THSD4: variants seen among roughly 807,000 people sequenced by gnomAD.
THSD4 encodes the protein thrombospondin type-1 domain-containing protein 4.
THSD4 carries 69 observed loss-of-function variants against 119.0 expected under a neutral mutation model. The ratio of observed to expected loss-of-function variants is 0.58; its 90% CI spans 0.48 to 0.71. The LOEUF (loss-of-function observed/expected upper bound fraction) is 0.71, where lower values mean the gene tolerates loss of function less well. THSD4 is among the 30% of genes least tolerant of loss of function. The pLI is 0.00. For missense variants in THSD4, 1,393 were observed against 1,391.1 expected, an observed-to-expected ratio of 1.00 and a Z score of -0.02; for synonymous variants, 524 against 540.4, an observed-to-expected ratio of 0.97 and a Z score of 0.42.
intron 6 of THSD4, among the ~76,000 whole-genome samples, chr15:71,361,600 C>G (rs916246752): frequency 6.6e-6 from 1 of 152,154 alleles, no homozygotes; most frequent in Non-Finnish European, 1.5e-5. Context: ...TAATAACCAT[C>G]AAAATTATAA....
intron 7 of THSD4, among the ~76,000 whole-genome samples, chr15:71,566,991 C>G (rs988673361): frequency 6.6e-6 from 1 of 152,066 alleles, no homozygotes; most frequent in Non-Finnish European, 1.5e-5. Flanking sequence ...AGGGACCAAC[C>G]CTCTCTCGTT....
chr15:71,474,685 A>G (rs1218589994), intron 7 of THSD4, among the ~76,000 whole-genome samples: 1 of 152,142 alleles, frequency 6.6e-6, no homozygotes, highest in East Asian at 1.9e-4. Context: ...TGCATCATCA[A>G]ATCTTTCCTC....
At chr15:71,331,941 GACTGT>G (rs1002301238) in intron 6 of THSD4, among the ~76,000 whole-genome samples, 1 of 151,986 alleles carries the variant, frequency 6.6e-6, no homozygotes, top group Admixed American at 6.6e-5. Flanking sequence ...ATCAAGACAG[GACTGT>G]ACATTCAAGG....
At chr15:71,660,843 G>T (rs895528828) in intron 8 of THSD4, 109 bp downstream of exon 8, 26 of 1,237,480 alleles carry the variant, frequency 2.1e-5, no homozygotes, top group Non-Finnish European at 2.6e-5. Context: ...GGGCATGCAG[G>T]CAGTGCCCCT....
chr15:71,214,449 C>T (rs2043913490), intron 3 of THSD4, among the ~76,000 whole-genome samples: 1 of 152,176 alleles, frequency 6.6e-6, no homozygotes, highest in Non-Finnish European at 1.5e-5. Context: ...AGCAAGACAA[C>T]GAACCCACTG....
chr15:71,488,844 CTT>C (rs2047865938), intron 7 of THSD4, among the ~76,000 whole-genome samples: 1 of 152,156 alleles, frequency 6.6e-6, no homozygotes, highest in African/African-American at 2.4e-5. Flanking sequence ...CCTGCAAAAG[CTT>C]TTAGTTCTGT....
intron 7 of THSD4, among the ~76,000 whole-genome samples, chr15:71,569,583 C>T (rs2049311190): frequency 6.6e-6 from 1 of 152,172 alleles, no homozygotes; most frequent in African/African-American, 2.4e-5. Flanking sequence ...ATGAGTAAGA[C>T]TGGTGTCTAA....
In THSD4 at chr15:71,132,088, A is replaced by C. The variant is rs79202979; in HGVS notation, c.-79-9361A>C. Among the ~76,000 whole-genome samples the C allele has an allele frequency of 9.4e-3, 1,436 of 152,340 alleles. 26 individuals are homozygous for C. The highest frequency in any genetic ancestry group is 0.033 in the African/African-American group (1,390 of 41,578). On this transcript the variant is annotated intron_variant, in intron 1 of 17. Transcript: ENST00000261862. ...TACTTATCAAATTAGGAGAGATTGC[A>C]ATCATAGCATTATTGGCAAATGTGT...
chr15:71,144,325 C>T (rs1312443768), intron 2 of THSD4, among the ~76,000 whole-genome samples: 1 of 152,186 alleles, frequency 6.6e-6, no homozygotes, highest in East Asian at 1.9e-4. Flanking sequence ...AGTAGAGTGT[C>T]TTCTGTTTAA....
chr15:71,117,427 C>T (rs994823063), intron 1 of THSD4, among the ~76,000 whole-genome samples: 4 of 152,076 alleles, frequency 2.6e-5, no homozygotes, highest in African/African-American at 9.7e-5. Flanking sequence ...TCTCCATCCC[C>T]CACATTTCTC....
At chr15:71,153,365 A>T (rs2040744802) in intron 2 of THSD4, among the ~76,000 whole-genome samples, 1 of 152,238 alleles carries the variant, frequency 6.6e-6, no homozygotes, top group Admixed American at 6.5e-5. Flanking sequence ...GTTTCTGAAC[A>T]GACAGGGCAG....
intron 7 of THSD4, among the ~76,000 whole-genome samples, chr15:71,658,297 C>T: frequency 6.6e-6 from 1 of 152,228 alleles, no homozygotes; most frequent in African/African-American, 2.4e-5. Context: ...GCTTGCACTT[C>T]AGCCGTGTCA....
chr15:71,647,246 C>T (rs1406354396), intron 7 of THSD4, among the ~76,000 whole-genome samples: 1 of 152,152 alleles, frequency 6.6e-6, no homozygotes, highest in Non-Finnish European at 1.5e-5. Context: ...CATGTGTGGG[C>T]AGCAGATCTG....
intron 7 of THSD4, among the ~76,000 whole-genome samples, chr15:71,581,255 C>T (rs1223878827): frequency 6.6e-6 from 1 of 152,094 alleles, no homozygotes; most frequent in Middle Eastern, 3.2e-3. Flanking sequence ...GTTATTCTAA[C>T]AAGTGTGAGG....
intron 7 of THSD4, among the ~76,000 whole-genome samples, chr15:71,415,994 G>A (rs368759288): frequency 3.9e-5 from 6 of 152,042 alleles, no homozygotes; most frequent in Non-Finnish European, 5.9e-5. Context: ...ACAGGGTTTC[G>A]TTGTGTTGGC....
chr15:71,313,269 C>T (rs955017233), intron 6 of THSD4, among the ~76,000 whole-genome samples: 8 of 147,336 alleles, frequency 5.4e-5, no homozygotes, highest in African/African-American at 1.0e-4. Flanking sequence ...GGCACAACCC[C>T]GTCATTCTGT....
intron 2 of THSD4, 142 bp from the exon 3 acceptor site, chr15:71,154,721 G>A: frequency 1.3e-6 from 1 of 787,516 alleles, no homozygotes; most frequent in Non-Finnish European, 2.2e-6. Context: ...CCAACACTTT[G>A]TGTCTTCACT....
intron 6 of THSD4, among the ~76,000 whole-genome samples, chr15:71,263,103 C>T (rs556661905): frequency 1.6e-4 from 25 of 151,980 alleles, no homozygotes; most frequent in Middle Eastern, 3.4e-3. Flanking sequence ...TTTTTCCTGA[C>T]CTTCTCCCTC....
At chr15:71,518,971 T>C (rs2048399792) in intron 7 of THSD4, among the ~76,000 whole-genome samples, 1 of 152,186 alleles carries the variant, frequency 6.6e-6, no homozygotes, top group African/African-American at 2.4e-5. Flanking sequence ...ATATAACATT[T>C]TTAAACAATT....
Sources: gnomAD v4.1 joint callset for allele counts (sites outside exome capture counted in the v4.1 genomes callset) on GRCh38, gnomAD v4.1.1 for gene constraint, MANE v1.5 for transcripts, NCBI Gene and HGNC (gene_info 2026-07-23, HGNC 2026-07-21) for gene names.